The following MACROD2 variants were observed in gnomAD, a reference collection of about 807,000 sequenced individuals.
MACROD2 encodes the protein mono-ADP ribosylhydrolase 2, also known as ADP-ribose glycohydrolase MACROD2.
A neutral mutation model predicts 70.4 loss-of-function variants in MACROD2; 36 were observed. The observed-to-expected ratio is 0.51, with a 90% CI of 0.39 to 0.68. MACROD2 has a LOEUF of 0.68. Among genes scored for constraint, MACROD2 ranks in the 30% least tolerant of loss-of-function variants. MACROD2 has a pLI of 0.00. For synonymous variants in MACROD2, 172 were observed against 178.8 expected (o/e 0.96, Z 0.30); for missense variants, 496 against 538.4 (o/e 0.92, Z 0.78).
At chr20:15,137,734 T>C (rs1463173771) in intron 5 of MACROD2, among the ~76,000 whole-genome samples, 1 of 151,876 alleles carries the variant, frequency 6.6e-6, no homozygotes, top group African/African-American at 2.4e-5. Flanking sequence ...ATAATAATCT[T>C]AAAGGTAAGG....
chr20:14,726,017 A>T (rs1302628844), intron 5 of MACROD2, among the ~76,000 whole-genome samples: 2 of 152,156 alleles, frequency 1.3e-5, no homozygotes, highest in Non-Finnish European at 2.9e-5. Context: ...ACCTTTCTTC[A>T]TTGAAATATT....
intron 8 of MACROD2, among the ~76,000 whole-genome samples, chr20:15,751,435 T>C (rs2051267940): frequency 6.6e-6 from 1 of 151,944 alleles, no homozygotes; most frequent in Non-Finnish European, 1.5e-5. Flanking sequence ...TGCACTGAAC[T>C]AACTCTTTCC....
At chr20:14,553,366 A>AG (rs1978795848) in intron 4 of MACROD2, among the ~76,000 whole-genome samples, 1 of 151,180 alleles carries the variant, frequency 6.6e-6, no homozygotes, top group Non-Finnish European at 1.5e-5. Flanking sequence ...CTTCTTCTGG[A>AG]ATACCTCCTA....
rs78652768 is a variant in MACROD2, at chr20:14,855,776, T to A, written c.418+170817T>A. On this transcript the variant is annotated intron_variant, in intron 5 of 17. Transcript: ENST00000684519. The stretch of plus-strand genomic sequence containing the variant: ...GAGACTAAATTCTCATATAAGAACA[T>A]GAAAACATTTTTAAAGATGTTATCT... Among the ~76,000 whole-genome samples, 3 of 152,028 alleles carry A rather than the reference T, an allele frequency of 2.0e-5. No homozygotes were observed. In the East Asian group the frequency reaches 5.8e-4, roughly 29 times the overall value.
At chr20:14,204,118 A>T (rs1015768766) in intron 3 of MACROD2, among the ~76,000 whole-genome samples, 6 of 152,148 alleles carry the variant, frequency 3.9e-5, no homozygotes, top group Non-Finnish European at 8.8e-5. Context: ...CTGAAGGTGC[A>T]TGGCAGACCT....
At chr20:14,371,948 G>A in intron 3 of MACROD2, among the ~76,000 whole-genome samples, 1 of 151,916 alleles carries the variant, frequency 6.6e-6, no homozygotes, top group East Asian at 1.9e-4. Context: ...CCCTCTGTAT[G>A]TTCTCATAAC....
At position 15,025,270 on chromosome 20, in the gene MACROD2, G is replaced by A. The variant is rs1358980832; in HGVS notation, c.419-204670G>A. Among the ~76,000 whole-genome samples the A allele has an allele frequency of 2.0e-5, 3 of 152,176 alleles. No homozygotes were observed. The South Asian group carries it at 6.2e-4, about 32-fold the overall frequency. ...TAATGGGGGAGAGAGAGGGGGTTGT[G>A]TGTGTATGTTCAATGAATCAGTACA... On this transcript the variant is annotated intron_variant, in intron 5 of 17. Transcript: ENST00000684519.
chr20:15,089,599 A>G (rs2075778026), intron 5 of MACROD2, among the ~76,000 whole-genome samples: 1 of 152,062 alleles, frequency 6.6e-6, no homozygotes, highest in Non-Finnish European at 1.5e-5. Flanking sequence ...CCCAAAGCAA[A>G]AGGTCTCCTT....
chr20:15,856,417 T>C (rs2064357086), intron 8 of MACROD2, among the ~76,000 whole-genome samples: 1 of 152,216 alleles, frequency 6.6e-6, no homozygotes, highest in Admixed American at 6.5e-5. Context: ...TTCTTTTTTA[T>C]AGAGTGCTTT....
intron 5 of MACROD2, among the ~76,000 whole-genome samples, chr20:15,218,203 C>T (rs981943984): frequency 1.3e-5 from 2 of 152,204 alleles, no homozygotes; most frequent in African/African-American, 2.4e-5. Flanking sequence ...CAGTAACTCA[C>T]ACCCCAATTC....
chr20:14,865,788 A>G (rs750410766), intron 5 of MACROD2, among the ~76,000 whole-genome samples: 1 of 152,040 alleles, frequency 6.6e-6, no homozygotes, highest in African/African-American at 2.4e-5. Context: ...TGCCAGTTCT[A>G]TTTAATTAAA....
At chr20:15,441,061 A>G (rs1214598841) in intron 7 of MACROD2, among the ~76,000 whole-genome samples, 1 of 152,208 alleles carries the variant, frequency 6.6e-6, no homozygotes, top group Non-Finnish European at 1.5e-5. Flanking sequence ...TCGTTTGAAT[A>G]TCACTTTATG....
At chr20:14,115,791 G>A (rs949367225) in intron 3 of MACROD2, among the ~76,000 whole-genome samples, 2 of 151,882 alleles carry the variant, frequency 1.3e-5, no homozygotes. Flanking sequence ...AATAAAGGAA[G>A]ACCAAAAAAA....
intron 5 of MACROD2, among the ~76,000 whole-genome samples, chr20:15,031,107 G>A (rs1170374246): frequency 6.6e-6 from 1 of 152,214 alleles, no homozygotes; most frequent in Non-Finnish European, 1.5e-5. Flanking sequence ...GCAGCACCAG[G>A]TGCCTGCACA....
intron 3 of MACROD2, among the ~76,000 whole-genome samples, chr20:14,281,535 G>T (rs1432689383): frequency 6.6e-6 from 1 of 152,088 alleles, no homozygotes; most frequent in Non-Finnish European, 1.5e-5. Context: ...TAAAACTGCT[G>T]AATTGTATAT....
chr20:14,860,675 T>C (rs1675782367), intron 5 of MACROD2, among the ~76,000 whole-genome samples: 8 of 152,032 alleles, frequency 5.3e-5, no homozygotes, highest in Admixed American at 2.6e-4. Context: ...AAGCAATCCT[T>C]TCACATAAAA....
At chr20:15,972,536 A>G (rs1219077352) in intron 13 of MACROD2, among the ~76,000 whole-genome samples, 3 of 152,232 alleles carry the variant, frequency 2.0e-5, no homozygotes, top group Non-Finnish European at 4.4e-5. Flanking sequence ...CAGGCCAGGC[A>G]CAGTGGCTTA....
intron 5 of MACROD2, among the ~76,000 whole-genome samples, chr20:14,686,853 A>G (rs2071008495): frequency 6.6e-6 from 1 of 152,028 alleles, no homozygotes; most frequent in Admixed American, 6.6e-5. Flanking sequence ...TTTCTTTGTT[A>G]GTATCTTTAC....
chr20:14,836,659 G>T (rs1044620475), intron 5 of MACROD2, among the ~76,000 whole-genome samples: 1 of 152,030 alleles, frequency 6.6e-6, no homozygotes, highest in Non-Finnish European at 1.5e-5. Context: ...AGATGGAAAT[G>T]ACTAGATAAA....
Sources: gnomAD v4.1 joint callset for allele counts (sites outside exome capture counted in the v4.1 genomes callset) on GRCh38, gnomAD v4.1.1 for gene constraint, MANE v1.5 for transcripts, NCBI Gene and HGNC (gene_info 2026-07-23, HGNC 2026-07-21) for gene names.